ALDH1A2: variants seen among roughly 807,000 people sequenced by gnomAD.
ALDH1A2 encodes the protein retinal dehydrogenase 2.
ALDH1A2 carries 27 observed loss-of-function variants against 60.3 expected under a neutral mutation model. The observed-to-expected ratio is 0.45, with a 90% CI of 0.33 to 0.62. ALDH1A2 has a LOEUF of 0.62. Ranked by LOEUF, ALDH1A2 falls within the 20% of genes least tolerant of loss-of-function variation. ALDH1A2 has a pLI of 0.02. For missense variants in ALDH1A2, 581 were observed against 643.8 expected (o/e 0.90, Z 1.06); for synonymous variants, 289 against 232.4 (o/e 1.24, Z -2.21).
chr15:58,031,257 A>C lies in ALDH1A2; in HGVS notation c.118-16976T>G, dbSNP rs966481213. Among the ~76,000 whole-genome samples the C allele has an allele frequency of 3.9e-5, 6 of 152,200 alleles. No individual in the cohort carries two copies. In the South Asian group the frequency reaches 1.2e-3, roughly 32 times the overall value. On this transcript the variant is annotated intron_variant, in intron 1 of 12. Transcript: ENST00000249750. Reference sequence around the variant, plus strand: ...TTTGACAAACCTGACAAAAACAAGAAATGGTGAAAGGATTCCCTATTTAAT... The same window carrying C: ...TTTGACAAACCTGACAAAAACAAGACATGGTGAAAGGATTCCCTATTTAAT...
At chr15:58,054,763 AAAACAG>A (rs1257276356) in intron 1 of ALDH1A2, among the ~76,000 whole-genome samples, 12 of 152,194 alleles carry the variant, frequency 7.9e-5, no homozygotes, top group African/African-American at 2.9e-4. Flanking sequence ...GAATGCAAAC[AAAACAG>A]ATCAAATAAA....
intron 1 of ALDH1A2, among the ~76,000 whole-genome samples, chr15:58,053,112 A>T (rs1270930123): frequency 2.0e-5 from 3 of 152,172 alleles, no homozygotes; most frequent in Non-Finnish European, 2.9e-5. Context: ...AGTCCAAGAA[A>T]AAAATGAGTC....
At chr15:58,043,737 G>A (rs1020979700) in intron 1 of ALDH1A2, among the ~76,000 whole-genome samples, 1 of 151,744 alleles carries the variant, frequency 6.6e-6, no homozygotes, top group Non-Finnish European at 1.5e-5. Flanking sequence ...GCCAAAAAAC[G>A]GTTTTTGTTT....
At chr15:57,981,447 T>C (rs1453665846) in intron 7 of ALDH1A2, among the ~76,000 whole-genome samples, 1 of 152,152 alleles carries the variant, frequency 6.6e-6, no homozygotes, top group Non-Finnish European at 1.5e-5. Context: ...TATTGACAAA[T>C]ATATTATTTG....
At chr15:58,030,809 G>A (rs1896216553) in intron 1 of ALDH1A2, among the ~76,000 whole-genome samples, 1 of 151,948 alleles carries the variant, frequency 6.6e-6, no homozygotes, top group Non-Finnish European at 1.5e-5. Flanking sequence ...AAATACCTAG[G>A]AATCCAATTT....
intron 11 of ALDH1A2, 102 bp downstream of exon 11, chr15:57,961,035 T>G (rs1184150962): frequency 6.6e-7 from 1 of 1,513,164 alleles, no homozygotes; most frequent in Non-Finnish European, 9.1e-7. Flanking sequence ...TGAACTTTGG[T>G]TGCTTTTGGT....
intron 1 of ALDH1A2, among the ~76,000 whole-genome samples, chr15:58,040,340 T>C (rs919115215): frequency 6.6e-6 from 1 of 151,848 alleles, no homozygotes; most frequent in Non-Finnish European, 1.5e-5. Context: ...GGTCCAACTA[T>C]ACGATGAATC....
At position 58,016,269 on chromosome 15, in the gene ALDH1A2, G is replaced by A. The variant is rs532312538; in HGVS notation, c.118-1988C>T. On this transcript the variant is annotated intron_variant, in intron 1 of 12. Coordinates refer to ENST00000249750, the MANE Select transcript of ALDH1A2 (RefSeq NM_003888.4). ...AGTGATTCTGCTGCCTCAGCCTCCCGAGTAGCAGGGATTACAGGCACCCAC... is the reference window on the plus strand; with the variant it reads ...AGTGATTCTGCTGCCTCAGCCTCCCAAGTAGCAGGGATTACAGGCACCCAC... Among the ~76,000 whole-genome samples, 8 of 151,574 alleles carry A rather than the reference G, an allele frequency of 5.3e-5. No individual in the cohort carries two copies. In the South Asian group the frequency reaches 1.3e-3, roughly 24 times the overall value.
intron 4 of ALDH1A2, 82 bp downstream of exon 4, chr15:58,010,567 G>A: frequency 6.4e-7 from 1 of 1,568,588 alleles, no homozygotes; most frequent in Non-Finnish European, 8.7e-7. Context: ...TATTCTGTGT[G>A]ACTGCTGTTT....
chr15:58,027,431 G>T (rs1428633615), intron 1 of ALDH1A2, among the ~76,000 whole-genome samples: 1 of 152,154 alleles, frequency 6.6e-6, no homozygotes, highest in East Asian at 1.9e-4. Flanking sequence ...CCACAAAGAT[G>T]GGGAGAAGAG....
Position 57,960,805 on chromosome 15 carries a change from A to G in ALDH1A2, c.1449T>C (p.Phe483=). 6.2e-7 allele frequency: 1 copy of G among 1,614,036 alleles called. No individual in the cohort carries two copies. Among genetic ancestry groups the G allele is most frequent in the Non-Finnish European group, 8.5e-7 (1 of 1,179,922 alleles). ...CATTTCCAGACATCTTGAATCCCCC[A>G]AAGGGGCTCTGGGCATTTAAGGCAT... ...CYNALNAQSP[F]GGFKMSGNGR... Residue 483 remains phenylalanine (F), a synonymous_variant, in exon 12 of 13, where the codon TTT becomes TTC. Coordinates refer to ENST00000249750, the MANE Select transcript of ALDH1A2 (RefSeq NM_003888.4).
intron 1 of ALDH1A2, among the ~76,000 whole-genome samples, chr15:58,060,616 C>G (rs1897006406): frequency 6.6e-6 from 1 of 152,058 alleles, no homozygotes; most frequent in South Asian, 2.1e-4. Context: ...CTCAGAGTCT[C>G]TCTTTTTCCA....
intron 1 of ALDH1A2, among the ~76,000 whole-genome samples, chr15:58,016,616 A>G (rs552431311): frequency 6.6e-6 from 1 of 152,316 alleles, no homozygotes; most frequent in Admixed American, 6.5e-5. Context: ...TAAATCTAAG[A>G]TGCATTATAG....
Position 57,991,220 on chromosome 15 carries a change from T to A in ALDH1A2, c.798+1485A>T, listed in dbSNP as rs147764891. Among the ~76,000 whole-genome samples the A allele has an allele frequency of 2.5e-3, 374 of 152,328 alleles. 1 individual carries two copies. The highest frequency in any genetic ancestry group is 4.0e-3 in the Non-Finnish European group (272 of 68,032). ...TGTCTTAAATTGATTGCATCTTTAG[T>A]TTTTCTTAGCATCTAGCCTTTAGCA... On this transcript the variant is annotated intron_variant, in intron 7 of 12. Transcript: ENST00000249750.
chr15:57,955,901 C>A (rs1270364420), intron 12 of ALDH1A2, among the ~76,000 whole-genome samples: 1 of 152,168 alleles, frequency 6.6e-6, no homozygotes, highest in African/African-American at 2.4e-5. Context: ...CTTATCTAAT[C>A]TATTTCATTA....
At chr15:57,969,965 C>G (rs1894009656) in intron 7 of ALDH1A2, among the ~76,000 whole-genome samples, 1 of 152,210 alleles carries the variant, frequency 6.6e-6, no homozygotes, top group African/African-American at 2.4e-5. Flanking sequence ...GGGAAAGCCA[C>G]TTCTCCTCCT....
intron 1 of ALDH1A2, among the ~76,000 whole-genome samples, chr15:58,030,900 G>T (rs183923933): frequency 1.3e-5 from 2 of 152,220 alleles, no homozygotes; most frequent in Non-Finnish European, 2.9e-5. Context: ...ACAGACGGAA[G>T]AACATTCCAT....
intron 4 of ALDH1A2, among the ~76,000 whole-genome samples, chr15:58,003,153 A>G (rs1895332872): frequency 6.6e-6 from 1 of 151,862 alleles, no homozygotes; most frequent in Non-Finnish European, 1.5e-5. Context: ...TCAGGAGATC[A>G]GCCTTAGGGA....
intron 1 of ALDH1A2, among the ~76,000 whole-genome samples, chr15:58,039,878 T>C (rs937289544): frequency 2.6e-5 from 4 of 151,782 alleles, no homozygotes; most frequent in African/African-American, 9.7e-5. Context: ...TTCCTTTATT[T>C]GCAATCATTT....
Sources: gnomAD v4.1 joint callset for allele counts (sites outside exome capture counted in the v4.1 genomes callset) on GRCh38, gnomAD v4.1.1 for gene constraint, MANE v1.5 for transcripts, NCBI Gene and HGNC (gene_info 2026-07-23, HGNC 2026-07-21) for gene names.